Variants in CCR10 observed in about 807,000 individuals in gnomAD.
CCR10 encodes C-C motif chemokine receptor 10, also known as C-C chemokine receptor type 10.
In CCR10, 11 loss-of-function variants were observed where a neutral mutation model predicts 11.9. The observed-to-expected ratio is 0.92, with a 90% CI of 0.58 to 1.53. The LOEUF (loss-of-function observed/expected upper bound fraction) is 1.53. Ranked by LOEUF, CCR10 falls within the 40% of genes most tolerant of loss-of-function variation. The pLI, the probability that CCR10 is intolerant of heterozygous loss-of-function variation, is 0.00. For synonymous variants in CCR10, 224 were observed against 245.4 expected (o/e 0.91, Z 0.81); for missense variants, 428 against 496.6 (o/e 0.86, Z 1.31).
chr17:42,680,013 G>A lies in CCR10; in HGVS notation c.629C>T (p.Ala210Val). 1 of 1,581,694 alleles carries A rather than the reference G, an allele frequency of 6.3e-7. No individual in the cohort carries two copies. Among genetic ancestry groups the A allele is most frequent in the Non-Finnish European group, 8.6e-7 (1 of 1,169,226 alleles). ...TQTVKGASAV[A>V]QVALGFALPL... is the part of the protein sequence containing the mutation. ...CAGCGCGAAGCCCAGGGCCACCTGC[G>A]CCACGGCGCTCGCCCCCTTCACCGT... The change falls in exon 2 of 2, where the codon GCG becomes GTG. Residue 210 changes from alanine to valine, a missense_variant. Coordinates refer to ENST00000332438, the MANE Select transcript of CCR10 (RefSeq NM_016602.3).
intron 1 of CCR10, chr17:42,681,523 G>A: frequency 1.8e-6 from 1 of 555,218 alleles, no homozygotes. Context: ...TCATGCCAAG[G>A]GGGTCTCCAG....
At chr17:42,681,260 C>G (rs1567967685) in intron 1 of CCR10, 2 of 154,498 alleles carry the variant, frequency 1.3e-5, no homozygotes, top group African/African-American at 2.4e-5. Flanking sequence ...AGGTGATCCG[C>G]CCACCTTGGC....
In CCR10 at chr17:42,680,299, T is replaced by A. The variant is rs1430368289; in HGVS notation, c.343A>T (p.Thr115Ser). The A allele has an allele frequency of 1.9e-6, 3 of 1,556,192 alleles. No individual in the cohort carries two copies. Among genetic ancestry groups the A allele is most frequent in the Non-Finnish European group, 2.6e-6 (3 of 1,150,292 alleles). ...GWSLGSATCRTISGLYSASFH... is the reference protein window; with the variant it reads ...GWSLGSATCRSISGLYSASFH... ...GAGGCCGAGTAGAGGCCAGAGATGG[T>A]GCGGCAGGTGGCACTTCCCAGACTC... is the stretch of plus-strand genomic sequence containing the variant. Residue 115 changes from threonine to serine, a missense_variant, in exon 2 of 2, where the codon ACC (threonine) becomes TCC (serine). Transcript: ENST00000332438.
Position 42,679,818 on chromosome 17 carries a change from A to G in CCR10, c.824T>C (p.Leu275Pro). The change falls in exon 2 of 2, where the codon CTG (leucine) becomes CCG (proline). Residue 275 changes from leucine to proline, a missense_variant. Leu to Pro is a moderately conservative substitution (Grantham distance 98). Coordinates refer to ENST00000332438, the MANE Select transcript of CCR10 (RefSeq NM_016602.3). ...LALLLDTADL[L>P]AARERSCPAS... ...AGGGCAGCTCCGCTCGCGCGCAGCC[A>G]GTAGATCGGCAGTATCCAGCAGCAG... The G allele has an allele frequency of 1.2e-6, 2 of 1,605,978 alleles. No individual in the cohort carries two copies. The highest frequency in any genetic ancestry group is 8.5e-7 in the Non-Finnish European group (1 of 1,177,634).
At chr17:42,681,572 G>A (rs1377845331) in intron 1 of CCR10, 6 of 612,056 alleles carry the variant, frequency 9.8e-6, no homozygotes, top group South Asian at 5.7e-5. Context: ...GTGGGACCCT[G>A]GACCTCTAGG....
In CCR10 at chr17:42,679,570, G is replaced by C. The variant is rs2052902166; in HGVS notation, c.1072C>G (p.Leu358Val). 6.8e-7 allele frequency: 1 copy of C among 1,479,140 alleles called. No individual in the cohort carries two copies. Among genetic ancestry groups the C allele is most frequent in the Non-Finnish European group, 8.9e-7 (1 of 1,118,902 alleles). 91.6% of individuals were successfully genotyped at this position (1,479,140 alleles called of 1,614,324 possible). A position where few individuals can be genotyped will look rare whatever the true frequency, so the allele number is the denominator to read the frequency against. The change falls in exon 2 of 2, where the codon CTC (leucine) becomes GTC (valine). Residue 358 changes from leucine (L) to valine (V), a missense_variant. Coordinates refer to ENST00000332438, the MANE Select transcript of CCR10 (RefSeq NM_016602.3). ...TCGCAGCCCTAGTTGTCCCAGGAGAGACTGTGGGTCTCCGTGGGAGCTGAG... is the reference window on the plus strand; with the variant it reads ...TCGCAGCCCTAGTTGTCCCAGGAGACACTGTGGGTCTCCGTGGGAGCTGAG... Reference protein sequence around the residue: ...SCSAPTETHSLSWDN With the variant: ...SCSAPTETHSVSWDN
chr17:42,680,270 GA>G lies in CCR10; in HGVS notation c.371del (p.Phe124SerfsTer80). 1 of 1,569,370 alleles carries G rather than the reference GA, an allele frequency of 6.4e-7. No homozygotes were observed. Among genetic ancestry groups the G allele is most frequent in the Non-Finnish European group, 8.6e-7 (1 of 1,157,446 alleles). On this transcript the variant is annotated frameshift_variant, in exon 2 of 2. Coordinates refer to ENST00000332438, the MANE Select transcript of CCR10 (RefSeq NM_016602.3). LOFTEE classifies it low-confidence loss of function (END_TRUNC). ...RTISGLYSASFHAGFLFLACI... is the reference protein window; with the variant it reads ...RTISGLYSASXHAGFLFLACI... ...AGGCCAGGAAGAGGAAGCCGGCGTG[GA>G]AGGAGGCCGAGTAGAGGCCAGAGAT...
At chr17:42,680,837 T>C (rs2052922888) in intron 1 of CCR10, among the ~76,000 whole-genome samples, 1 of 152,188 alleles carries the variant, frequency 6.6e-6, no homozygotes, top group Non-Finnish European at 1.5e-5. Context: ...CTGGGTGACC[T>C]TGAGCAAGCC....
chr17:42,679,278 C>T lies in CCR10; in HGVS notation c.*275G>A. On this transcript the variant is annotated 3_prime_UTR_variant, in exon 2 of 2. Coordinates refer to ENST00000332438, the MANE Select transcript of CCR10 (RefSeq NM_016602.3). ...CCCCCACCCCCACCCAGGCCCTCAG[C>T]GTCTTCCACTCAGAGAGCCAAGCGC... is the stretch of plus-strand genomic sequence containing the variant. The T allele has an allele frequency of 2.9e-6, 1 of 341,032 alleles. No homozygotes were observed. The highest frequency in any genetic ancestry group is 5.3e-6 in the Non-Finnish European group (1 of 189,640). 21.1% of individuals were successfully genotyped at this position (341,032 alleles called of 1,614,324 possible).
Position 42,680,304 on chromosome 17 carries a change from C to T in CCR10, c.338G>A (p.Cys113Tyr), listed in dbSNP as rs2052913688. ...CGAGTAGAGGCCAGAGATGGTGCGG[C>T]AGGTGGCACTTCCCAGACTCCAGCC... ...LQGWSLGSATCRTISGLYSAS... is the reference protein window; with the variant it reads ...LQGWSLGSATYRTISGLYSAS... Residue 113 changes from cysteine (C) to tyrosine (Y), a missense_variant, in exon 2 of 2, where the codon TGC becomes TAC. Cys to Tyr is a radical substitution (Grantham distance 194, BLOSUM62 -2). Transcript: ENST00000332438. 6.4e-7 allele frequency: 1 copy of T among 1,555,260 alleles called. No individual in the cohort carries two copies. The highest frequency in any genetic ancestry group is 1.4e-5 in the African/African-American group (1 of 73,312).
chr17:42,680,922 G>A (rs1237054386), intron 1 of CCR10, among the ~76,000 whole-genome samples: 1 of 152,128 alleles, frequency 6.6e-6, no homozygotes, highest in African/African-American at 2.4e-5. Context: ...CACCTCTCAA[G>A]GTTTGCTGTG....
Position 42,679,990 on chromosome 17 carries a change from G to T in CCR10, c.652C>A (p.Leu218Met), listed in dbSNP as rs989071227. 2 of 1,572,404 alleles carry T rather than the reference G, an allele frequency of 1.3e-6. No individual in the cohort carries two copies. The highest frequency in any genetic ancestry group is 1.7e-6 in the Non-Finnish European group (2 of 1,164,526). Reference sequence around the variant, plus strand: ...CAGGCTACCATGACGCCCAGCGGCAGCGCGAAGCCCAGGGCCACCTGCGCC... The same window carrying T: ...CAGGCTACCATGACGCCCAGCGGCATCGCGAAGCCCAGGGCCACCTGCGCC... ...AVAQVALGFA[L>M]PLGVMVACYA... is the part of the protein sequence containing the mutation. Residue 218 changes from leucine (L) to methionine (M), a missense_variant, in exon 2 of 2, where the codon CTG becomes ATG. Coordinates refer to ENST00000332438, the MANE Select transcript of CCR10 (RefSeq NM_016602.3).
At chr17:42,681,440 T>G in intron 1 of CCR10, 2 of 340,134 alleles carry the variant, frequency 5.9e-6, no homozygotes, top group South Asian at 7.1e-5. Context: ...CCGTCTGGAG[T>G]GGGTTTCTGT....
At chr17:42,681,287 A>G (rs1178567008) in intron 1 of CCR10, 1 of 158,476 alleles carries the variant, frequency 6.3e-6, no homozygotes, top group Non-Finnish European at 1.4e-5. Flanking sequence ...AAGTACTGGG[A>G]TTACAGGCCT....
Position 42,679,723 on chromosome 17 carries a change from G to T in CCR10, c.919C>A (p.Pro307Thr). ...GLALARCGLNPVLYAFLGLRF... is the reference protein window; with the variant it reads ...GLALARCGLNTVLYAFLGLRF... Reference sequence around the variant, plus strand: ...AGGCCCAGGAAGGCGTAGAGAACGGGATTGAGGCCACAGCGGGCGAGGGCC... The same window carrying T: ...AGGCCCAGGAAGGCGTAGAGAACGGTATTGAGGCCACAGCGGGCGAGGGCC... Residue 307 changes from proline (P) to threonine (T), a missense_variant, in exon 2 of 2, where the codon CCC becomes ACC. Pro to Thr is a conservative substitution (Grantham distance 38, BLOSUM62 -1). Transcript: ENST00000332438. 6.3e-7 allele frequency: 1 copy of T among 1,580,230 alleles called. No individual in the cohort carries two copies. The highest frequency in any genetic ancestry group is 8.6e-7 in the Non-Finnish European group (1 of 1,164,412).
At position 42,679,534 on chromosome 17, in the gene CCR10, C is replaced by A; in HGVS notation, c.*19G>T. 1 of 1,444,118 alleles carries A rather than the reference C, an allele frequency of 6.9e-7. No individual in the cohort carries two copies. The highest frequency in any genetic ancestry group is 9.1e-7 in the Non-Finnish European group (1 of 1,097,720). The allele number at this position is 1,444,118 out of a possible 1,614,324, so 89.5% of individuals were successfully genotyped here. On this transcript the variant is annotated 3_prime_UTR_variant, in exon 2 of 2. Transcript: ENST00000332438. Reference sequence around the variant, plus strand: ...TTTCCCACGACCCTCAGCCTGCCCCCTCCTCTAGATTCGCAGCCCTAGTTG... The same window carrying A: ...TTTCCCACGACCCTCAGCCTGCCCCATCCTCTAGATTCGCAGCCCTAGTTG...
Position 42,681,786 on chromosome 17 carries a change from GC to G in CCR10, c.24+13del, listed in dbSNP as rs748693065. On this transcript the variant is annotated intron_variant, in intron 1 of 1. Coordinates refer to ENST00000332438, the MANE Select transcript of CCR10 (RefSeq NM_016602.3). Reference sequence around the variant, plus strand: ...CTCTGTAACCCTTCTCCCCCTCCCTGCCCCCACTCCCACCTGCTCTGTGGCC... The same window carrying G: ...CTCTGTAACCCTTCTCCCCCTCCCTGCCCCACTCCCACCTGCTCTGTGGCC... The G allele has an allele frequency of 1.2e-5, 19 of 1,597,594 alleles. No individual in the cohort carries two copies. The African/African-American group carries it at 2.5e-4, about 21-fold the overall frequency.
rs1183090677 is a variant in CCR10, at chr17:42,679,897, C to T, written c.745G>A (p.Val249Met). The T allele has an allele frequency of 1.9e-6, 3 of 1,572,506 alleles. No individual in the cohort carries two copies. Among genetic ancestry groups the T allele is most frequent in the Non-Finnish European group, 2.6e-6 (3 of 1,165,572 alleles). Residue 249 changes from valine to methionine, a missense_variant, in exon 2 of 2, where the codon GTG becomes ATG. Coordinates refer to ENST00000332438, the MANE Select transcript of CCR10 (RefSeq NM_016602.3). ...GPERRRALRV[V>M]VALVAAFVVL... ...ACGAAGGCCGCCACCAGAGCCACCA[C>T]GACGCGCAGCGCACGCCGGCGCTCG...
At position 42,679,927 on chromosome 17, in the gene CCR10, C is replaced by G; in HGVS notation, c.715G>C (p.Gly239Arg). 1 of 1,555,050 alleles carries G rather than the reference C, an allele frequency of 6.4e-7. No individual in the cohort carries two copies. The highest frequency in any genetic ancestry group is 1.4e-5 in the African/African-American group (1 of 73,270). The change falls in exon 2 of 2, where the codon GGG becomes CGG. Residue 239 changes from glycine to arginine, a missense_variant. Transcript: ENST00000332438. ...LLGRTLLAAR[G>R]PERRRALRVV... The stretch of plus-strand genomic sequence containing the variant: ...CGCAGCGCACGCCGGCGCTCGGGCC[C>G]CCTGGCGGCCAGCAGCGTGCGGCCC...
Sources: gnomAD v4.1 joint callset for allele counts (sites outside exome capture counted in the v4.1 genomes callset) on GRCh38, gnomAD v4.1.1 for gene constraint, MANE v1.5 for transcripts, NCBI Gene and HGNC (gene_info 2026-07-23, HGNC 2026-07-21) for gene names.